Variants in MAP1B observed in about 807,000 individuals in gnomAD.
The protein encoded by MAP1B is microtubule-associated protein 1B.
In MAP1B, 12 loss-of-function variants were observed where a neutral mutation model predicts 176.1. The observed-to-expected ratio is 0.07, with a 90% CI of 0.04 to 0.11. The LOEUF (loss-of-function observed/expected upper bound fraction) is 0.11, where lower values mean the gene tolerates loss of function less well. MAP1B is among the 10% of genes least tolerant of loss of function. The pLI is 1.00. For missense variants in MAP1B, 2,523 were observed against 2,990.5 expected (o/e 0.84, Z 3.65); for synonymous variants, 1,044 against 1,135.0 (o/e 0.92, Z 1.61).
intron 5 of MAP1B, 105 bp downstream of exon 5, chr5:72,200,472 C>A: frequency 7.3e-7 from 1 of 1,366,874 alleles, no homozygotes; most frequent in African/African-American, 1.4e-5. Flanking sequence ...GATGAGGGAG[C>A]ACAATTGATG....
intron 2 of MAP1B, among the ~76,000 whole-genome samples, chr5:72,125,671 A>G (rs1412985552): frequency 2.6e-5 from 4 of 152,144 alleles, no homozygotes; most frequent in Non-Finnish European, 4.4e-5. Flanking sequence ...TGTTCAGGCT[A>G]TTTTAAAAAA....
rs763511179 is a variant in MAP1B, at chr5:72,199,521, A to C, written c.6166A>C (p.Thr2056Pro). 3.1e-6 allele frequency: 5 copies of C among 1,614,194 alleles called. No homozygotes were observed. The East Asian group carries it at 1.1e-4, about 36-fold the overall frequency. ...EKITRTPQAS[T>P]YSYETSDLCY... Reference sequence around the variant, plus strand: ...AATCACTAGAACCCCTCAGGCATCCACATATTCCTACGAGACTTCAGACCT... The same window carrying C: ...AATCACTAGAACCCCTCAGGCATCCCCATATTCCTACGAGACTTCAGACCT... Residue 2056 changes from threonine to proline, a missense_variant, in exon 5 of 7, where the codon ACA (threonine) becomes CCA (proline). By Grantham distance (38) the Thr-to-Pro change is conservative. Coordinates refer to ENST00000296755, the MANE Select transcript of MAP1B (RefSeq NM_005909.5). This position sits in a 1 kb window ranked among gnomAD's most constrained non-coding sequence, Gnocchi z 4.2.
rs544564696 is a variant in MAP1B, at chr5:72,115,822, G to C, written c.286+23G>C. The C allele has an allele frequency of 7.1e-6, 11 of 1,547,314 alleles. No individual in the cohort carries two copies. In the African/African-American group the frequency reaches 1.5e-4, roughly 21 times the overall value. ...CAGGTGAGGCTTCCGCTCAGTGTTG[G>C]TCAGCCTAGAATTCCAAAGGACAAG... On this transcript the variant is annotated intron_variant, in intron 2 of 6. Transcript: ENST00000296755.
chr5:72,143,022 T>A (rs768098917), intron 2 of MAP1B, among the ~76,000 whole-genome samples: 5 of 152,184 alleles, frequency 3.3e-5, no homozygotes, highest in Non-Finnish European at 5.9e-5. Context: ...TGCATAGGTG[T>A]CCATATGCTG....
intron 5 of MAP1B, among the ~76,000 whole-genome samples, chr5:72,202,794 G>A (rs921981911): frequency 6.6e-6 from 1 of 152,166 alleles, no homozygotes; most frequent in African/African-American, 2.4e-5. Context: ...TTCCTAACTG[G>A]AACAAGTTAG....
At chr5:72,129,322 A>G (rs980004906) in intron 2 of MAP1B, among the ~76,000 whole-genome samples, 1 of 152,172 alleles carries the variant, frequency 6.6e-6, no homozygotes, top group East Asian at 1.9e-4. Context: ...TTGGGAGGCC[A>G]AGGTGGGCAG....
intron 2 of MAP1B, among the ~76,000 whole-genome samples, chr5:72,132,925 C>A (rs916570092): frequency 6.6e-6 from 1 of 152,110 alleles, no homozygotes. Flanking sequence ...CCCTGAAACT[C>A]CCTGTCCAGG....
intron 2 of MAP1B, among the ~76,000 whole-genome samples, chr5:72,121,895 G>C (rs1439505394): frequency 6.6e-6 from 1 of 152,176 alleles, no homozygotes; most frequent in East Asian, 1.9e-4. Flanking sequence ...CATTCAAGGG[G>C]CTGACTCACC....
intron 2 of MAP1B, among the ~76,000 whole-genome samples, chr5:72,146,109 T>C (rs1332005997): frequency 1.3e-5 from 2 of 152,192 alleles, no homozygotes; most frequent in African/African-American, 2.4e-5. Context: ...AGTTGAGATG[T>C]TTTAGGGACC....
intron 1 of MAP1B, among the ~76,000 whole-genome samples, chr5:72,109,424 A>G (rs767962171): frequency 6.6e-6 from 1 of 152,224 alleles, no homozygotes; most frequent in Non-Finnish European, 1.5e-5. Context: ...TTCTCCTGGA[A>G]AAATTTTACA....
chr5:72,198,176 T>A lies in MAP1B; in HGVS notation c.4821T>A (p.Ser1607=). 3 of 1,614,074 alleles carry A rather than the reference T, an allele frequency of 1.9e-6. No individual in the cohort carries two copies. Among genetic ancestry groups the A allele is most frequent in the Admixed American group, 1.7e-5 (1 of 60,012 alleles). The change falls in exon 5 of 7, where the codon TCT becomes TCA. Residue 1607 remains serine, a synonymous_variant. Transcript: ENST00000296755. ...TPTTFQETEM[S]PSKEECPRPM... ...CCACATTCCAGGAAACAGAAATGTCTCCATCTAAAGAAGAATGCCCAAGAC... is the reference window on the plus strand; with the variant it reads ...CCACATTCCAGGAAACAGAAATGTCACCATCTAAAGAAGAATGCCCAAGAC...
Position 72,195,534 on chromosome 5 carries a change from G to A in MAP1B, c.2179G>A (p.Glu727Lys). ...EKKEVKKEEK[E>K]PKKEIKKLPK... is the part of the protein sequence containing the mutation. ...GAAGGAAGTGAAAAAGGAAGAAAAGGAACCCAAAAAAGAAATTAAGAAGCT... is the reference window on the plus strand; with the variant it reads ...GAAGGAAGTGAAAAAGGAAGAAAAGAAACCCAAAAAAGAAATTAAGAAGCT... The change falls in exon 5 of 7, where the codon GAA becomes AAA. Residue 727 changes from glutamate to lysine, a missense_variant. Glu to Lys is a moderately conservative substitution (Grantham distance 56). Coordinates refer to ENST00000296755, the MANE Select transcript of MAP1B (RefSeq NM_005909.5). The A allele has an allele frequency of 6.3e-7, 1 of 1,588,544 alleles. No homozygotes were observed. Among genetic ancestry groups the A allele is most frequent in the Non-Finnish European group, 8.5e-7 (1 of 1,173,946 alleles).
At chr5:72,174,053 C>A (rs539683815) in intron 2 of MAP1B, among the ~76,000 whole-genome samples, 76 of 152,236 alleles carry the variant, frequency 5.0e-4, no homozygotes, top group African/African-American at 1.7e-3. Context: ...TCACTTCAGC[C>A]CGGGAGGTTA....
At chr5:72,115,838 A>G in intron 2 of MAP1B, 39 bp downstream of exon 2, 5 of 1,427,822 alleles carry the variant, frequency 3.5e-6, no homozygotes, top group Non-Finnish European at 4.9e-6. Context: ...CTAGAATTCC[A>G]AAGGACAAGG....
intron 2 of MAP1B, among the ~76,000 whole-genome samples, chr5:72,138,590 T>G (rs1745880053): frequency 6.6e-6 from 1 of 152,210 alleles, no homozygotes; most frequent in Non-Finnish European, 1.5e-5. Flanking sequence ...CTACGTTATT[T>G]CTCTATGTGA....
rs185664189 is a variant in MAP1B, at chr5:72,136,881, C to A, written c.286+21082C>A. Among the ~76,000 whole-genome samples, 225 of 152,146 alleles carry A rather than the reference C, an allele frequency of 1.5e-3. 3 individuals are homozygous for A. Among genetic ancestry groups the A allele is most frequent in the Non-Finnish European group, 2.6e-4 (18 of 68,002 alleles). On this transcript the variant is annotated intron_variant, in intron 2 of 6. Transcript: ENST00000296755. ...TTATTATTTTTTGCCAAGCCCATAC[C>A]AAGATTTATTTTGTTATTAAAAATG...
chr5:72,123,832 T>C (rs1046592354), intron 2 of MAP1B, among the ~76,000 whole-genome samples: 3 of 152,200 alleles, frequency 2.0e-5, no homozygotes, highest in Non-Finnish European at 4.4e-5. Context: ...AGTCTCACTC[T>C]GTTGCCCAGT....
chr5:72,117,498 C>A (rs1204588859), intron 2 of MAP1B, among the ~76,000 whole-genome samples: 4 of 152,150 alleles, frequency 2.6e-5, no homozygotes, highest in Admixed American at 2.6e-4. Context: ...CTGCATATTG[C>A]ATAATGAAAG....
intron 2 of MAP1B, among the ~76,000 whole-genome samples, chr5:72,134,487 G>A (rs1489020018): frequency 1.3e-5 from 2 of 150,786 alleles, no homozygotes; most frequent in African/African-American, 4.9e-5. Context: ...CATGAGGAGA[G>A]AAGTCCTATT....
Sources: gnomAD v4.1 joint callset for allele counts (sites outside exome capture counted in the v4.1 genomes callset) on GRCh38, gnomAD v4.1.1 for gene constraint, Gnocchi (gnomAD v3.1) non-coding constraint, MANE v1.5 for transcripts, NCBI Gene and HGNC (gene_info 2026-07-23, HGNC 2026-07-21) for gene names.